The following NEGR1 variants were observed in gnomAD, a reference collection of about 807,000 sequenced individuals.
The protein encoded by NEGR1 is IgLON family member 4.
A neutral mutation model predicts 40.9 loss-of-function variants in NEGR1; 10 were observed. The observed-to-expected ratio is 0.24, with a 90% CI of 0.15 to 0.42. The LOEUF is 0.42. Among genes scored for constraint, NEGR1 ranks in the 10% least tolerant of loss-of-function variants. The pLI is 1.00. For synonymous variants in NEGR1, 185 were observed against 166.8 expected, an observed-to-expected ratio of 1.11 and a Z score of -0.84; for missense variants, 352 against 438.9, an observed-to-expected ratio of 0.80 and a Z score of 1.77.
chr1:71,796,838 C>T (rs541158465), intron 2 of NEGR1, among the ~76,000 whole-genome samples: 2 of 152,076 alleles, frequency 1.3e-5, no homozygotes, highest in South Asian at 2.1e-4. Context: ...AATTCACTTC[C>T]GGAGGAGTTG....
chr1:71,714,587 C>A (rs1423051981), intron 3 of NEGR1, among the ~76,000 whole-genome samples: 1 of 152,178 alleles, frequency 6.6e-6, no homozygotes, highest in African/African-American at 2.4e-5. Flanking sequence ...TACACCATGG[C>A]AAATGGGAGA....
chr1:72,217,309 T>A (rs1482584508), intron 1 of NEGR1, among the ~76,000 whole-genome samples: 3 of 151,634 alleles, frequency 2.0e-5, no homozygotes, highest in African/African-American at 7.3e-5. Flanking sequence ...AATAAAAAAA[T>A]TTCACATTTA....
chr1:71,861,014 G>A (rs1159442135), intron 2 of NEGR1, among the ~76,000 whole-genome samples: 1 of 152,160 alleles, frequency 6.6e-6, no homozygotes, highest in East Asian at 1.9e-4. Context: ...AAGCTAAGAA[G>A]TTACTCTCTT....
At chr1:71,434,995 GC>G (rs1204657314) in intron 6 of NEGR1, among the ~76,000 whole-genome samples, 1 of 152,018 alleles carries the variant, frequency 6.6e-6, no homozygotes, top group Admixed American at 6.5e-5. Flanking sequence ...GGAGGCTGAG[GC>G]AGGAGAATGG....
intron 6 of NEGR1, among the ~76,000 whole-genome samples, chr1:71,495,447 A>G (rs1646956201): frequency 6.6e-6 from 1 of 151,112 alleles, no homozygotes; most frequent in African/African-American, 2.4e-5. Context: ...ACTGCACTCC[A>G]GCCTGGGCAA....
chr1:72,025,343 T>G (rs573305556), intron 1 of NEGR1, among the ~76,000 whole-genome samples: 110 of 152,304 alleles, frequency 7.2e-4, no homozygotes, highest in African/African-American at 2.5e-3. Context: ...TATTAGAGCA[T>G]AGGTGTTTCC....
At chr1:72,064,242 G>A (rs1569901944) in intron 1 of NEGR1, among the ~76,000 whole-genome samples, 1 of 151,840 alleles carries the variant, frequency 6.6e-6, no homozygotes, top group Non-Finnish European at 1.5e-5. Flanking sequence ...CAGTCTCCCA[G>A]AAGGAACATT....
chr1:71,988,311 G>T (rs1468207347), intron 1 of NEGR1, among the ~76,000 whole-genome samples: 2 of 152,060 alleles, frequency 1.3e-5, no homozygotes, highest in Non-Finnish European at 2.9e-5. Flanking sequence ...AGGCCGAGGC[G>T]GGTGGATTAT....
At chr1:71,758,558 T>G (rs1031465774) in intron 3 of NEGR1, among the ~76,000 whole-genome samples, 1 of 152,140 alleles carries the variant, frequency 6.6e-6, no homozygotes, top group Middle Eastern at 3.2e-3. Context: ...CTAGTGATGA[T>G]TATTCCTAAT....
At chr1:71,645,182 ATGTTCTAC>A (rs1398950622) in intron 4 of NEGR1, among the ~76,000 whole-genome samples, 3 of 151,936 alleles carry the variant, frequency 2.0e-5, no homozygotes, top group Non-Finnish European at 4.4e-5. Flanking sequence ...ATCTTTGATT[ATGTTCTAC>A]TGTGGAGTTA....
chr1:71,511,576 A>G (rs1457555483), intron 6 of NEGR1, among the ~76,000 whole-genome samples: 2 of 152,336 alleles, frequency 1.3e-5, no homozygotes, highest in Admixed American at 1.3e-4. Context: ...ACTTCCCTAG[A>G]AGTTCCACAG....
intron 4 of NEGR1, among the ~76,000 whole-genome samples, chr1:71,694,043 T>G (rs931548698): frequency 1.3e-5 from 2 of 151,770 alleles, no homozygotes; most frequent in African/African-American, 4.8e-5. Context: ...TTTTTTGTTT[T>G]GTTTTTCAAT....
intron 1 of NEGR1, among the ~76,000 whole-genome samples, chr1:72,124,490 G>A (rs900648302): frequency 1.6e-4 from 24 of 152,086 alleles, no homozygotes; most frequent in African/African-American, 5.1e-4. Flanking sequence ...ACACTCGAGC[G>A]ATATGGCAAA....
chr1:71,533,526 A>T (rs984620685), intron 6 of NEGR1, among the ~76,000 whole-genome samples: 1 of 151,674 alleles, frequency 6.6e-6, no homozygotes, highest in African/African-American at 2.4e-5. Flanking sequence ...TCACACATAT[A>T]CACACAAACA....
chr1:71,406,096 T>C lies in NEGR1; in HGVS notation c.*1350A>G, dbSNP rs1246936505. On this transcript the variant is annotated 3_prime_UTR_variant, in exon 7 of 7. Transcript: ENST00000357731. ...TTTATTTGATCGCATCTTACATATA[T>C]CATGTAAGGAAAAATAAAGGATGGT... 3 of 152,178 alleles carry C rather than the reference T, an allele frequency of 2.0e-5. No homozygotes were observed. The highest frequency in any genetic ancestry group is 4.4e-5 in the Non-Finnish European group (3 of 67,854). 9.4% of individuals were successfully genotyped at this position (152,178 alleles called of 1,614,324 possible). A position where few individuals can be genotyped will look rare whatever the true frequency, so the allele number is the denominator to read the frequency against.
chr1:71,771,725 T>G (rs1193204504), intron 3 of NEGR1, among the ~76,000 whole-genome samples: 39 of 35,014 alleles, frequency 1.1e-3, no homozygotes, highest in Non-Finnish European at 2.3e-3. Context: ...AAAAAAAAGG[T>G]GTGAATCCAC....
intron 6 of NEGR1, among the ~76,000 whole-genome samples, chr1:71,584,140 A>G (rs1260725744): frequency 2.0e-5 from 3 of 152,196 alleles, no homozygotes. Context: ...GTTAATTTGT[A>G]TCTCTGCAGA....
chr1:72,091,789 C>G (rs1648509917), intron 1 of NEGR1, among the ~76,000 whole-genome samples: 1 of 152,070 alleles, frequency 6.6e-6, no homozygotes, highest in Non-Finnish European at 1.5e-5. Context: ...TTTCTCACAG[C>G]CCTGGACACA....
chr1:72,158,453 C>T (rs187291904), intron 1 of NEGR1, among the ~76,000 whole-genome samples: 13 of 152,244 alleles, frequency 8.5e-5, no homozygotes, highest in Admixed American at 3.3e-4. Context: ...GGGGTCACTG[C>T]CTCAAATAGT....
Sources: gnomAD v4.1 joint callset for allele counts (sites outside exome capture counted in the v4.1 genomes callset) on GRCh38, gnomAD v4.1.1 for gene constraint, MANE v1.5 for transcripts, NCBI Gene and HGNC (gene_info 2026-07-23, HGNC 2026-07-21) for gene names.